The following SDHAF4 variants were observed in gnomAD, a reference collection of about 807,000 sequenced individuals.
SDHAF4 encodes succinate dehydrogenase complex assembly factor 4.
In SDHAF4, 14 loss-of-function variants were observed where a neutral mutation model predicts 14.3. The observed-to-expected ratio is 0.98, with a 90% confidence interval of 0.65 to 1.53. The LOEUF is 1.53. SDHAF4 is among the 40% of genes most tolerant of loss of function. SDHAF4 has a pLI of 0.00. For missense variants in SDHAF4, 141 were observed against 129.3 expected, an observed-to-expected ratio of 1.09 and a Z score of -0.44; for synonymous variants, 63 against 47.3, an observed-to-expected ratio of 1.33 and a Z score of -1.36.
intron 1 of SDHAF4, among the ~76,000 whole-genome samples, chr6:70,575,742 A>G (rs111252398): frequency 0.016 from 2,474 of 151,928 alleles, 54 homozygotes; most frequent in African/African-American, 0.056. Context: ...AGAGAGAGTC[A>G]TTCTTTTGCT....
chr6:70,572,461 G>A (rs1202788570), intron 1 of SDHAF4, among the ~76,000 whole-genome samples: 1 of 152,050 alleles, frequency 6.6e-6, no homozygotes, highest in Non-Finnish European at 1.5e-5. Flanking sequence ...AGATATGTGA[G>A]TTAAGGCATA....
intron 2 of SDHAF4, among the ~76,000 whole-genome samples, 199 bp from the exon 3 acceptor site, chr6:70,588,416 A>G (rs565682226): frequency 2.0e-5 from 3 of 152,334 alleles, no homozygotes; most frequent in African/African-American, 7.2e-5. Context: ...GCTACTCAGG[A>G]GGCTGAGGCA....
intron 2 of SDHAF4, among the ~76,000 whole-genome samples, chr6:70,585,773 A>G (rs1047590768): frequency 2.0e-5 from 3 of 152,226 alleles, no homozygotes; most frequent in Non-Finnish European, 2.9e-5. Flanking sequence ...TAACAAGAAT[A>G]AAAGAATGAA....
At chr6:70,575,743 T>C (rs1802247189) in intron 1 of SDHAF4, among the ~76,000 whole-genome samples, 1 of 145,224 alleles carries the variant, frequency 6.9e-6, no homozygotes, top group Non-Finnish European at 1.5e-5. Context: ...GAGAGAGTCA[T>C]TCTTTTGCTT....
At chr6:70,569,603 T>G (rs1802154851) in intron 1 of SDHAF4, among the ~76,000 whole-genome samples, 1 of 152,246 alleles carries the variant, frequency 6.6e-6, no homozygotes, top group African/African-American at 2.4e-5. Flanking sequence ...ATGCTAAACC[T>G]TTTTTAGTTA....
intron 1 of SDHAF4, among the ~76,000 whole-genome samples, chr6:70,568,735 T>A (rs1474087055): frequency 2.0e-5 from 3 of 152,116 alleles, no homozygotes; most frequent in Non-Finnish European, 2.9e-5. Flanking sequence ...AATGCCAAGG[T>A]GTAACGGCAT....
intron 1 of SDHAF4, among the ~76,000 whole-genome samples, chr6:70,570,333 T>G (rs191181499): frequency 6.6e-6 from 1 of 152,090 alleles, no homozygotes; most frequent in East Asian, 1.9e-4. Flanking sequence ...TGTCTAATCC[T>G]TTTTTTTGAG....
intron 1 of SDHAF4, among the ~76,000 whole-genome samples, 162 bp downstream of exon 1, chr6:70,567,166 C>A (rs900226342): frequency 6.6e-6 from 1 of 152,234 alleles, no homozygotes; most frequent in Non-Finnish European, 1.5e-5. Context: ...GTGGCCTGGG[C>A]AGGTTCCTGC....
chr6:70,586,586 C>T (rs1409289015), intron 2 of SDHAF4, among the ~76,000 whole-genome samples: 1 of 151,928 alleles, frequency 6.6e-6, no homozygotes, highest in Non-Finnish European at 1.5e-5. Flanking sequence ...ATGAAACTGT[C>T]TGCCCACAGG....
In SDHAF4 at chr6:70,573,556, G is replaced by A. The variant is rs186323784; in HGVS notation, c.65-5858G>A. The stretch of plus-strand genomic sequence containing the variant: ...TAGGATTACAGGTGTGAGCCACAAT[G>A]CCCGGCCAGCTATTTGGCCTTTTTA... On this transcript the variant is annotated intron_variant, in intron 1 of 2. Coordinates refer to ENST00000370474, the MANE Select transcript of SDHAF4 (RefSeq NM_145267.3). Among the ~76,000 whole-genome samples, 8 of 151,732 alleles carry A rather than the reference G, an allele frequency of 5.3e-5. No homozygotes were observed. In the East Asian group the frequency reaches 1.6e-3, roughly 29 times the overall value.
At chr6:70,573,453 G>A (rs1221678414) in intron 1 of SDHAF4, among the ~76,000 whole-genome samples, 7 of 150,728 alleles carry the variant, frequency 4.6e-5, no homozygotes, top group Admixed American at 6.6e-5. Context: ...AAGTAGAGAC[G>A]CAGTTTCACC....
Position 70,588,726 on chromosome 6 carries a change from T to A in SDHAF4, c.*2T>A, listed in dbSNP as rs1765230933. On this transcript the variant is annotated 3_prime_UTR_variant, in exon 3 of 3. Coordinates refer to ENST00000370474, the MANE Select transcript of SDHAF4 (RefSeq NM_145267.3). ...AAAGGACGCTGTATTGATTTTTAAGTCGCATATTCTTTAACTTCAATATTG... is the reference window on the plus strand; with the variant it reads ...AAAGGACGCTGTATTGATTTTTAAGACGCATATTCTTTAACTTCAATATTG... The A allele has an allele frequency of 6.4e-7, 1 of 1,561,288 alleles. No individual in the cohort carries two copies. The highest frequency in any genetic ancestry group is 1.4e-5 in the African/African-American group (1 of 73,562).
the SDHAF4 span, among the ~76,000 whole-genome samples, chr6:70,598,339 A>G: frequency 4.6e-5 from 7 of 152,230 alleles, no homozygotes; most frequent in Non-Finnish European, 7.3e-5. Context: ...AGGTGGAGCC[A>G]CTGCACTCCA....
intron 1 of SDHAF4, among the ~76,000 whole-genome samples, chr6:70,571,707 A>T (rs994921506): frequency 1.3e-5 from 2 of 152,156 alleles, no homozygotes; most frequent in African/African-American, 4.8e-5. Context: ...TTTGTTTAAG[A>T]TTGGAATTAT....
intron 1 of SDHAF4, among the ~76,000 whole-genome samples, chr6:70,574,276 C>T (rs1802222379): frequency 1.3e-5 from 2 of 151,018 alleles, no homozygotes; most frequent in Non-Finnish European, 2.9e-5. Flanking sequence ...GCTGAGATCA[C>T]ACCACTGCAC....
chr6:70,581,589 G>A (rs1419481040), intron 2 of SDHAF4, among the ~76,000 whole-genome samples: 1 of 152,098 alleles, frequency 6.6e-6, no homozygotes, highest in Non-Finnish European at 1.5e-5. Flanking sequence ...GTGTGTGTAT[G>A]TATGTGTGTG....
At chr6:70,571,965 A>T (rs1802184402) in intron 1 of SDHAF4, among the ~76,000 whole-genome samples, 1 of 135,194 alleles carries the variant, frequency 7.4e-6, no homozygotes, top group Non-Finnish European at 1.6e-5. Context: ...TATAATATGT[A>T]CTCTCTTTTT....
chr6:70,593,034 G>A (rs1002879279), downstream of SDHAF4, among the ~76,000 whole-genome samples: 18 of 152,204 alleles, frequency 1.2e-4, no homozygotes, highest in Non-Finnish European at 1.9e-4. Flanking sequence ...TTGCTGCCCC[G>A]GGCTGCCTTG....
rs886610070 is a variant in SDHAF4 at position 70,569,693 on chromosome 6, T to C, written c.64+2689T>C. 3.9e-5 allele frequency among the ~76,000 whole-genome samples: 6 copies of C among 152,252 alleles called. No individual in the cohort carries two copies. In the South Asian group the frequency reaches 8.3e-4, roughly 21 times the overall value. ...TAGAATAACGGGTCTGCATGTGTAA[T>C]CATGCAGCTTCAATATAAAAGGTAT... On this transcript the variant is annotated intron_variant, in intron 1 of 2. Transcript: ENST00000370474.
Sources: gnomAD v4.1 joint callset for allele counts (sites outside exome capture counted in the v4.1 genomes callset) on GRCh38, gnomAD v4.1.1 for gene constraint, MANE v1.5 for transcripts, NCBI Gene and HGNC (gene_info 2026-07-23, HGNC 2026-07-21) for gene names.